Variants in IQCH observed in about 807,000 individuals in gnomAD.
IQCH encodes the protein IQ domain-containing protein H.
In IQCH, 98 loss-of-function variants were observed where a neutral mutation model predicts 117.0. The ratio of observed to expected loss-of-function variants is 0.84; its 90% CI spans 0.71 to 0.99. IQCH has a LOEUF of 0.99. Among genes scored for constraint, IQCH ranks in the 50% least tolerant of loss-of-function variants. The pLI is 0.00. For missense variants in IQCH, 1,102 were observed against 1,243.8 expected (o/e 0.89, Z 1.72); for synonymous variants, 412 against 448.2 (o/e 0.92, Z 1.02).
chr15:67,354,971 C>T (rs529361434), intron 6 of IQCH, among the ~76,000 whole-genome samples: 2 of 152,130 alleles, frequency 1.3e-5, no homozygotes, highest in Non-Finnish European at 2.9e-5. Flanking sequence ...GGTGGACTTT[C>T]CCTTACATCT....
intron 1 of IQCH, 139 bp from the exon 2 acceptor site, chr15:67,261,133 G>T: frequency 2.0e-6 from 1 of 500,318 alleles, no homozygotes; most frequent in Non-Finnish European, 3.4e-6. Context: ...CCGTAAAAGT[G>T]GTCCTTTTCA....
At chr15:67,293,543 A>G (rs1966824590) in intron 4 of IQCH, among the ~76,000 whole-genome samples, 1 of 152,152 alleles carries the variant, frequency 6.6e-6, no homozygotes, top group Non-Finnish European at 1.5e-5. Flanking sequence ...ATTGTTTAGA[A>G]AATAATGACA....
intron 4 of IQCH, among the ~76,000 whole-genome samples, chr15:67,334,291 G>A (rs887443585): frequency 1.1e-4 from 16 of 152,196 alleles, no homozygotes; most frequent in Middle Eastern, 3.4e-3. Flanking sequence ...CCTTTCAGGC[G>A]ATCAGCACAT....
chr15:67,416,782 G>A lies in IQCH; in HGVS notation c.2098-149G>A. 1 of 526,162 alleles carries A rather than the reference G, an allele frequency of 1.9e-6. No homozygotes were observed. The highest frequency in any genetic ancestry group is 6.0e-5 in the South Asian group (1 of 16,662). 32.6% of individuals were successfully genotyped at this position (526,162 alleles called of 1,614,324 possible). A position where few individuals can be genotyped will look rare whatever the true frequency, so the allele number is the denominator to read the frequency against. On this transcript the variant is annotated intron_variant, in intron 14 of 20. Transcript: ENST00000335894. This position sits in a 1 kb window ranked among gnomAD's most constrained non-coding sequence, Gnocchi z 5.1. ...GAAAACTGAAATGGCTGAAAAAAGAGAGAACATTTTCAAAATGGCTTTCTG... is the reference window on the plus strand; with the variant it reads ...GAAAACTGAAATGGCTGAAAAAAGAAAGAACATTTTCAAAATGGCTTTCTG...
Position 67,395,162 on chromosome 15 carries a change from T to C in IQCH, c.1633-129T>C. ...AACAGCTTTTATCAATTTAAACTGC[T>C]AAACAACAGGATAGGTCATAACCCA... On this transcript the variant is annotated intron_variant, in intron 12 of 20. Transcript: ENST00000335894. The surrounding 1 kb of genome is among the most constrained non-coding windows in gnomAD (Gnocchi z 4.0). 9.7e-7 allele frequency: 1 copy of C among 1,033,188 alleles called. No homozygotes were observed. The allele number at this position is 1,033,188 out of a possible 1,614,324, so 64.0% of individuals were successfully genotyped here. A position where few individuals can be genotyped will look rare whatever the true frequency, so the allele number is the denominator to read the frequency against.
intron 4 of IQCH, among the ~76,000 whole-genome samples, chr15:67,318,879 C>T (rs891763718): frequency 7.2e-5 from 11 of 152,044 alleles, no homozygotes; most frequent in African/African-American, 1.9e-4. Context: ...GCACTCTATA[C>T]GAAGAAAACT....
chr15:67,468,913 C>G (rs1271450702), intron 17 of IQCH, among the ~76,000 whole-genome samples: 1 of 152,178 alleles, frequency 6.6e-6, no homozygotes, highest in African/African-American at 2.4e-5. Flanking sequence ...GCATCACTGT[C>G]AAAACAAGTA....
Position 67,395,580 on chromosome 15 carries a change from A to G in IQCH, c.1905+17A>G, listed in dbSNP as rs374595285. On this transcript the variant is annotated intron_variant, in intron 13 of 20. Transcript: ENST00000335894. The surrounding 1 kb of genome is among the most constrained non-coding windows in gnomAD (Gnocchi z 4.0). ...CAGCAACAGGTATGTGGGGTGGACA[A>G]GTGAAGCTCTGTTCAAATATTTGAA... is the stretch of plus-strand genomic sequence containing the variant. The G allele has an allele frequency of 8.1e-6, 13 of 1,608,708 alleles. No individual in the cohort carries two copies. The highest frequency in any genetic ancestry group is 1.3e-5 in the African/African-American group (1 of 74,736).
chr15:67,383,453 C>CCAA (rs1338049383), intron 10 of IQCH, among the ~76,000 whole-genome samples: 1 of 152,158 alleles, frequency 6.6e-6, no homozygotes, highest in East Asian at 1.9e-4. Flanking sequence ...TGGACATCAT[C>CCAA]TTAATGAGAC....
chr15:67,452,950 C>T lies in IQCH; in HGVS notation c.2506-12177C>T, dbSNP rs1014516304. ...TTTTTATTCTTTTTTCTCTAAACTC[C>T]TCTTCTCGCTTCATTTCATTCATTT... On this transcript the variant is annotated intron_variant, in intron 16 of 20. Coordinates refer to ENST00000335894, the MANE Select transcript of IQCH (RefSeq NM_001031715.3). Among the ~76,000 whole-genome samples the T allele has an allele frequency of 1.1e-4, 16 of 152,186 alleles. No homozygotes were observed. In the South Asian group the frequency reaches 3.3e-3, roughly 32 times the overall value.
rs1297162134 is a variant in IQCH, at chr15:67,386,537, G to A, written c.1456+1518G>A. Among the ~76,000 whole-genome samples the A allele has an allele frequency of 6.6e-6, 1 of 152,126 alleles. No homozygotes were observed. On this transcript the variant is annotated intron_variant, in intron 11 of 20. Transcript: ENST00000335894. This position sits in a 1 kb window ranked among gnomAD's most constrained non-coding sequence, Gnocchi z 5.0. ...AAGTACTTTTTTGTGAAATAAAAAT[G>A]TGAAGAAAATAGAAAAATAAGTAAT...
intron 4 of IQCH, chr15:67,282,173 T>C (rs1341830116): frequency 6.5e-6 from 1 of 153,422 alleles, no homozygotes; most frequent in Non-Finnish European, 1.5e-5. Context: ...ACTTCTCATC[T>C]TCCTTACTGT....
Position 67,421,396 on chromosome 15 carries a change from AG to A in IQCH, c.2325del (p.Gln775HisfsTer38). 1 of 1,614,216 alleles carries A rather than the reference AG, an allele frequency of 6.2e-7. No homozygotes were observed. The highest frequency in any genetic ancestry group is 8.5e-7 in the Non-Finnish European group (1 of 1,180,028). ...GKISVLSTGD[Q>X]LHAESPFISS... ...ATCAGCGTGCTGTCGACAGGGGACC[AG>A]CTTCATGCTGAAAGCCCCTTCATCT... On this transcript the variant is annotated frameshift_variant, in exon 16 of 21. Transcript: ENST00000335894. LOFTEE classifies it high-confidence loss of function.
At position 67,422,506 on chromosome 15, in the gene IQCH, A is replaced by G. The variant is rs748247772; in HGVS notation, c.2505+929A>G. On this transcript the variant is annotated intron_variant, in intron 16 of 20. Coordinates refer to ENST00000335894, the MANE Select transcript of IQCH (RefSeq NM_001031715.3). This position sits in a 1 kb window ranked among gnomAD's most constrained non-coding sequence, Gnocchi z 4.7. ...ATGGCTCTTCCTCCTCCTAGAGGCC[A>G]GGAGGAAGCTACTGTCTCATACCTG... Among the ~76,000 whole-genome samples, 3 of 152,156 alleles carry G rather than the reference A, an allele frequency of 2.0e-5. No homozygotes were observed. The highest frequency in any genetic ancestry group is 4.4e-5 in the Non-Finnish European group (3 of 68,018).
In IQCH at chr15:67,343,078, C is replaced by A. The variant is rs1174854323; in HGVS notation, c.509-985C>A. ...TGATCATTCTACTGAATTCCTATAA[C>A]ACTAGACTAACATTCTTAATAGTAA... On this transcript the variant is annotated intron_variant, in intron 5 of 20. Transcript: ENST00000335894. 1.7e-4 allele frequency among the ~76,000 whole-genome samples: 26 copies of A among 152,144 alleles called. 1 individual carries two copies. Among genetic ancestry groups the A allele is most frequent in the Non-Finnish European group, 2.2e-4 (15 of 68,026 alleles).
intron 4 of IQCH, among the ~76,000 whole-genome samples, chr15:67,299,303 G>GCACAAAAT (rs1449499124): frequency 6.6e-6 from 1 of 151,670 alleles, no homozygotes; most frequent in African/African-American, 2.4e-5. Flanking sequence ...GAGAAGGGGG[G>GCACAAAAT]ATAGTTAATG....
At chr15:67,357,585 A>G (rs1452285386) in intron 7 of IQCH, among the ~76,000 whole-genome samples, 164 bp downstream of exon 7, 1 of 152,238 alleles carries the variant, frequency 6.6e-6, no homozygotes, top group Non-Finnish European at 1.5e-5. Context: ...GGAATTGTAC[A>G]AGTCAACTCT....
intron 8 of IQCH, chr15:67,360,172 C>T: frequency 5.5e-6 from 2 of 366,136 alleles, no homozygotes; most frequent in Non-Finnish European, 9.7e-6. Context: ...TCACATCAAT[C>T]TTCAAATTCA....
chr15:67,264,331 C>G (rs530581529), intron 3 of IQCH, among the ~76,000 whole-genome samples: 5 of 152,310 alleles, frequency 3.3e-5, no homozygotes, highest in Non-Finnish European at 7.3e-5. Flanking sequence ...ACAACAAATA[C>G]TTACAGTTTT....
Sources: allele counts gnomAD v4.1 joint callset (sites outside exome capture counted in the v4.1 genomes callset), GRCh38; gene constraint gnomAD v4.1.1; non-coding constraint Gnocchi (gnomAD v3.1); transcripts MANE v1.5; gene names NCBI Gene and HGNC (gene_info 2026-07-23, HGNC 2026-07-21).